Variants in RYR3 observed in about 807,000 individuals in gnomAD.
The protein encoded by RYR3 is ryanodine receptor 3.
In RYR3, 207 loss-of-function variants were observed where a neutral mutation model predicts 584.3. That is an observed-to-expected ratio of 0.35 (90% confidence interval 0.32 to 0.40). RYR3 has a LOEUF of 0.40. Ranked by LOEUF, RYR3 falls within the 10% of genes least tolerant of loss-of-function variation. The probability of loss-of-function intolerance (pLI) is 1.00; values close to 1 mark genes in which losing one functional copy is unlikely to be tolerated. For missense variants in RYR3, 5,616 were observed against 6,089.2 expected, an observed-to-expected ratio of 0.92 and a Z score of 2.59; for synonymous variants, 2,416 against 2,248.5, an observed-to-expected ratio of 1.07 and a Z score of -2.11.
intron 43 of RYR3, among the ~76,000 whole-genome samples, chr15:33,721,095 G>A (rs2152806260): frequency 6.6e-6 from 1 of 152,304 alleles, no homozygotes; most frequent in East Asian, 1.9e-4. Context: ...AAATGACCAG[G>A]TTATTAAAGG....
chr15:33,792,383 C>T (rs1483302837), intron 67 of RYR3, among the ~76,000 whole-genome samples: 2 of 152,106 alleles, frequency 1.3e-5, no homozygotes, highest in Non-Finnish European at 2.9e-5. Context: ...GGAGGGGCAC[C>T]CAGAATCCTC....
intron 18 of RYR3, among the ~76,000 whole-genome samples, chr15:33,609,614 T>C (rs185676996): frequency 1.3e-5 from 2 of 152,282 alleles, no homozygotes; most frequent in African/African-American, 4.8e-5. Flanking sequence ...GATCGTGCCA[T>C]TGTACTCCAG....
chr15:33,363,423 C>T (rs1250048765), intron 1 of RYR3, among the ~76,000 whole-genome samples: 1 of 152,134 alleles, frequency 6.6e-6, no homozygotes, highest in East Asian at 1.9e-4. Context: ...ATTTCTCATG[C>T]TCAGTTTTGG....
intron 1 of RYR3, among the ~76,000 whole-genome samples, chr15:33,421,447 G>T (rs1460486442): frequency 6.6e-6 from 1 of 152,170 alleles, no homozygotes; most frequent in African/African-American, 2.4e-5. Flanking sequence ...AATCTAATCT[G>T]TATGGTTTGG....
intron 69 of RYR3, 99 bp from the exon 70 acceptor site, chr15:33,807,456 T>G: frequency 8.5e-7 from 1 of 1,176,646 alleles, no homozygotes. Context: ...AAATGGGGGC[T>G]AAGAAGCTAT....
chr15:33,606,350 C>T (rs1464303034), intron 18 of RYR3, among the ~76,000 whole-genome samples: 1 of 152,200 alleles, frequency 6.6e-6, no homozygotes, highest in Non-Finnish European at 1.5e-5. Flanking sequence ...AAGACCAAAT[C>T]CAGAGTCCTT....
chr15:33,568,318 T>G (rs991096371), intron 12 of RYR3, among the ~76,000 whole-genome samples: 2 of 152,230 alleles, frequency 1.3e-5, no homozygotes, highest in South Asian at 2.1e-4. Context: ...GTATGATATG[T>G]GAACTGTATT....
At chr15:33,675,537 G>A (rs901465253) in intron 38 of RYR3, among the ~76,000 whole-genome samples, 7 of 152,142 alleles carry the variant, frequency 4.6e-5, no homozygotes, top group African/African-American at 1.7e-4. Context: ...CCGGAGTTAG[G>A]CTACCTAGTC....
At chr15:33,437,727 A>G (rs978404677) in intron 1 of RYR3, among the ~76,000 whole-genome samples, 2 of 152,044 alleles carry the variant, frequency 1.3e-5, no homozygotes, top group African/African-American at 4.8e-5. Context: ...ACATTATCCT[A>G]CTATAACTTT....
Position 33,848,163 on chromosome 15 carries a change from A to T in RYR3, c.13498-128A>T, listed in dbSNP as rs2078844500. The T allele has an allele frequency of 1.5e-5, 17 of 1,142,470 alleles. No individual in the cohort carries two copies. In the Admixed American group the frequency reaches 3.7e-4, roughly 25 times the overall value. The allele number at this position is 1,142,470 out of a possible 1,614,324, so 70.8% of individuals were successfully genotyped here. ...TTTGGCTTTGATCCCACAACTAGGC[A>T]CTCTAAGAATTCCACTATAAGGAGA... On this transcript the variant is annotated intron_variant, in intron 93 of 103. Coordinates refer to ENST00000634891, the MANE Select transcript of RYR3 (RefSeq NM_001036.6).
At chr15:33,608,655 CT>C (rs2060022492) in intron 18 of RYR3, among the ~76,000 whole-genome samples, 1 of 152,218 alleles carries the variant, frequency 6.6e-6, no homozygotes, top group Non-Finnish European at 1.5e-5. Context: ...AACAGTTACC[CT>C]TTCATTTCTA....
At chr15:33,862,713 T>C (rs781380821) in intron 102 of RYR3, among the ~76,000 whole-genome samples, 2 of 137,340 alleles carry the variant, frequency 1.5e-5, no homozygotes, top group Non-Finnish European at 3.1e-5. Context: ...TGGATTCAAG[T>C]GATTCTCCTG....
intron 91 of RYR3, among the ~76,000 whole-genome samples, chr15:33,843,200 G>C (rs1411632318): frequency 6.6e-6 from 1 of 152,066 alleles, no homozygotes; most frequent in Non-Finnish European, 1.5e-5. Context: ...GGCGCCTGTA[G>C]TCCCAGCTAC....
At chr15:33,424,125 G>A (rs1567208023) in intron 1 of RYR3, among the ~76,000 whole-genome samples, 1 of 152,176 alleles carries the variant, frequency 6.6e-6, no homozygotes, top group African/African-American at 2.4e-5. Context: ...ACTGCAGGCA[G>A]TACAGCATAG....
At chr15:33,376,978 A>G (rs903027654) in intron 1 of RYR3, among the ~76,000 whole-genome samples, 6 of 152,114 alleles carry the variant, frequency 3.9e-5, no homozygotes, top group Admixed American at 3.3e-4. Context: ...TCATTGATCT[A>G]TTGATCTATC....
intron 7 of RYR3, among the ~76,000 whole-genome samples, chr15:33,542,431 G>A (rs2055895466): frequency 6.6e-6 from 1 of 152,098 alleles, no homozygotes; most frequent in Non-Finnish European, 1.5e-5. Flanking sequence ...TAAATTAGCT[G>A]TTAAGAATCC....
intron 1 of RYR3, among the ~76,000 whole-genome samples, chr15:33,340,854 C>G (rs1971729652): frequency 6.6e-6 from 1 of 152,142 alleles, no homozygotes; most frequent in Non-Finnish European, 1.5e-5. Context: ...CACCTATACC[C>G]TAGATGTATA....
rs1187243595 is a variant in RYR3, at chr15:33,697,804, T to C, written c.6135-78T>C. 4.6e-6 allele frequency: 4 copies of C among 867,452 alleles called. No homozygotes were observed. In the East Asian group the frequency reaches 7.3e-5, roughly 16 times the overall value. The allele number at this position is 867,452 out of a possible 1,614,324, so 53.7% of individuals were successfully genotyped here. A position where few individuals can be genotyped will look rare whatever the true frequency, so the allele number is the denominator to read the frequency against. On this transcript the variant is annotated intron_variant, in intron 39 of 103. Coordinates refer to ENST00000634891, the MANE Select transcript of RYR3 (RefSeq NM_001036.6). ...TCATATTATTTTGCCCTCTCGTGTG[T>C]TTGTGTGTTCTCATCCCTGAATTTT... is the stretch of plus-strand genomic sequence containing the variant.
intron 2 of RYR3, among the ~76,000 whole-genome samples, chr15:33,488,283 C>G (rs1226716173): frequency 6.6e-6 from 1 of 152,170 alleles, no homozygotes; most frequent in African/African-American, 2.4e-5. Context: ...TCACAGCAGG[C>G]CAGTGGCCCC....
Sources: allele counts gnomAD v4.1 joint callset (sites outside exome capture counted in the v4.1 genomes callset), GRCh38; gene constraint gnomAD v4.1.1; transcripts MANE v1.5; gene names NCBI Gene and HGNC (gene_info 2026-07-23, HGNC 2026-07-21).